The following TAFA5 variants were observed in gnomAD, a reference collection of about 807,000 sequenced individuals.
TAFA5 encodes chemokine-like protein TAFA-5.
In TAFA5, 6 loss-of-function variants were observed where a neutral mutation model predicts 15.3. The observed-to-expected ratio is 0.39, with a 90% confidence interval of 0.21 to 0.77. TAFA5 has a LOEUF of 0.77. Ranked by LOEUF, TAFA5 falls within the 30% of genes least tolerant of loss-of-function variation. The pLI, the probability that TAFA5 is intolerant of heterozygous loss-of-function variation, is 0.41. For synonymous variants in TAFA5, 103 were observed against 80.7 expected, an observed-to-expected ratio of 1.28 and a Z score of -1.48; for missense variants, 161 against 193.1, an observed-to-expected ratio of 0.83 and a Z score of 0.98.
chr22:48,630,817 C>T (rs1255235230), intron 1 of TAFA5, among the ~76,000 whole-genome samples: 1 of 152,172 alleles, frequency 6.6e-6, no homozygotes, highest in Non-Finnish European at 1.5e-5. Flanking sequence ...TTTGTTTCTA[C>T]CTGAAACCAG....
chr22:48,700,695 G>T (rs778573751), intron 2 of TAFA5, among the ~76,000 whole-genome samples: 1 of 152,152 alleles, frequency 6.6e-6, no homozygotes, highest in African/African-American at 2.4e-5. Flanking sequence ...GGCAGGGCTC[G>T]TCCTGTCTGC....
chr22:48,746,734 G>A (rs1244682321), intron 3 of TAFA5, among the ~76,000 whole-genome samples: 1 of 152,194 alleles, frequency 6.6e-6, no homozygotes, highest in Non-Finnish European at 1.5e-5. Flanking sequence ...TGGCAGCCTA[G>A]TCCAGCCTTG....
chr22:48,524,168 G>A lies in TAFA5; in HGVS notation c.112+34464G>A, dbSNP rs191410818. On this transcript the variant is annotated intron_variant, in intron 1 of 3. Transcript: ENST00000402357. ...CTGGCCAGTTTTCCTTTGTGCGGCT[G>A]GCAGCCCACCGCTTCCAACGCTGAC... 3.3e-3 allele frequency among the ~76,000 whole-genome samples: 504 copies of A among 152,326 alleles called. 2 individuals carry two copies. The highest frequency in any genetic ancestry group is 0.011 in the African/African-American group (469 of 41,574).
chr22:48,544,807 A>T (rs1302192530), intron 1 of TAFA5: 2 of 471,236 alleles, frequency 4.2e-6, no homozygotes, highest in Non-Finnish European at 8.8e-6. Flanking sequence ...CGAGGCCTGC[A>T]AACAAGGTGT....
At chr22:48,657,886 T>A (rs978089491) in intron 2 of TAFA5, among the ~76,000 whole-genome samples, 1 of 151,884 alleles carries the variant, frequency 6.6e-6, no homozygotes, top group Non-Finnish European at 1.5e-5. Context: ...GCTGCCGCTC[T>A]TGAACCTGAG....
chr22:48,606,398 A>G (rs1925196066), intron 1 of TAFA5, among the ~76,000 whole-genome samples: 1 of 152,204 alleles, frequency 6.6e-6, no homozygotes, highest in African/African-American at 2.4e-5. Context: ...TGAGAACTGA[A>G]AAAAAGTAGG....
At chr22:48,744,151 G>A (rs16999829) in intron 3 of TAFA5, among the ~76,000 whole-genome samples, 3,422 of 152,272 alleles carry the variant, frequency 0.022, 151 homozygotes, top group African/African-American at 0.078. Flanking sequence ...GTCTTCGGCC[G>A]TGAGGAAGGG....
chr22:48,602,422 G>A (rs1484170134), intron 1 of TAFA5, among the ~76,000 whole-genome samples: 4 of 152,198 alleles, frequency 2.6e-5, no homozygotes, highest in South Asian at 2.1e-4. Context: ...GGACTGGTGG[G>A]GTGACCCCGA....
intron 1 of TAFA5, among the ~76,000 whole-genome samples, chr22:48,634,748 TTCA>T (rs984761152): frequency 8.0e-6 from 1 of 124,808 alleles, no homozygotes; most frequent in African/African-American, 3.4e-5. Context: ...CTCTCACTCA[TTCA>T]TTCACTCAGT....
rs761708920 is a variant in TAFA5, at chr22:48,550,907, G to A, written c.112+61203G>A. ...CCTGGGGGTGAGGCAGACATTCCTAGTCCTGCTTGGGGCATCGTAAGATGG... is the reference window on the plus strand; with the variant it reads ...CCTGGGGGTGAGGCAGACATTCCTAATCCTGCTTGGGGCATCGTAAGATGG... On this transcript the variant is annotated intron_variant, in intron 1 of 3. Coordinates refer to ENST00000402357, the MANE Select transcript of TAFA5 (RefSeq NM_001082967.3). The surrounding 1 kb of genome is among the most constrained non-coding windows in gnomAD (Gnocchi z 4.1). Among the ~76,000 whole-genome samples the A allele has an allele frequency of 3.9e-5, 6 of 152,020 alleles. No individual in the cohort carries two copies. The highest frequency in any genetic ancestry group is 5.9e-5 in the Non-Finnish European group (4 of 68,004).
At chr22:48,684,232 G>A (rs1412591669) in intron 2 of TAFA5, among the ~76,000 whole-genome samples, 1 of 152,096 alleles carries the variant, frequency 6.6e-6, no homozygotes, top group Non-Finnish European at 1.5e-5. Context: ...AGCCCTTCCT[G>A]TCTCCTGTGG....
chr22:48,710,672 C>A (rs550568509), intron 3 of TAFA5, among the ~76,000 whole-genome samples: 7 of 152,336 alleles, frequency 4.6e-5, no homozygotes, highest in African/African-American at 1.7e-4. Context: ...AGGCAGTGAG[C>A]CCCCCTTATT....
intron 2 of TAFA5, among the ~76,000 whole-genome samples, chr22:48,690,339 G>A (rs1928499055): frequency 1.3e-5 from 2 of 152,126 alleles, no homozygotes; most frequent in Admixed American, 1.3e-4. Context: ...GGGTCTGGGT[G>A]TGATAGGCAG....
intron 1 of TAFA5, among the ~76,000 whole-genome samples, chr22:48,493,887 G>A (rs9680732): frequency 0.14 from 21,943 of 152,172 alleles, 1,769 homozygotes; most frequent in African/African-American, 0.22. Flanking sequence ...TTTACTCCTG[G>A]TGATCCTGGC....
chr22:48,508,021 G>A (rs972982656), intron 1 of TAFA5, among the ~76,000 whole-genome samples: 5 of 152,154 alleles, frequency 3.3e-5, no homozygotes, highest in African/African-American at 9.6e-5. Context: ...GGGGTTGTTG[G>A]GCAGTGGGGA....
intron 1 of TAFA5, among the ~76,000 whole-genome samples, chr22:48,505,552 G>A (rs1447990530): frequency 6.6e-6 from 1 of 152,210 alleles, no homozygotes; most frequent in African/African-American, 2.4e-5. Flanking sequence ...GCCCCAAGGG[G>A]GGCTGTGGAG....
intron 3 of TAFA5, among the ~76,000 whole-genome samples, chr22:48,735,401 G>A (rs1290655214): frequency 6.6e-6 from 1 of 152,198 alleles, no homozygotes; most frequent in Non-Finnish European, 1.5e-5. Context: ...AGGAAGATGG[G>A]CAAAGTCCGC....
At chr22:48,548,036 C>T (rs572220968) in intron 1 of TAFA5, among the ~76,000 whole-genome samples, 2 of 152,308 alleles carry the variant, frequency 1.3e-5, no homozygotes, top group East Asian at 1.9e-4. Flanking sequence ...CTTCGGAGGT[C>T]CCAGGAGTGA....
chr22:48,616,709 G>A (rs970173570), intron 1 of TAFA5, among the ~76,000 whole-genome samples: 4 of 152,048 alleles, frequency 2.6e-5, no homozygotes, highest in African/African-American at 7.3e-5. Context: ...CCCACCCTCT[G>A]TCTAGGGCTG....
Sources: gnomAD v4.1 joint callset for allele counts (sites outside exome capture counted in the v4.1 genomes callset) on GRCh38, gnomAD v4.1.1 for gene constraint, Gnocchi (gnomAD v3.1) non-coding constraint, MANE v1.5 for transcripts, NCBI Gene and HGNC (gene_info 2026-07-23, HGNC 2026-07-21) for gene names.